REDIC1: variants seen among roughly 807,000 people sequenced by gnomAD.
REDIC1 encodes HEI10 Interacting Protein 1.
At chr12:39,636,295 G>C in the REDIC1 span, among the ~76,000 whole-genome samples, 1 of 151,968 alleles carries the variant, frequency 6.6e-6, no homozygotes, top group East Asian at 1.9e-4. Flanking sequence ...TTGCTTTATT[G>C]GTTTAACGTT....
the REDIC1 span, among the ~76,000 whole-genome samples, chr12:39,884,970 T>C: frequency 6.6e-6 from 1 of 152,228 alleles, no homozygotes; most frequent in African/African-American, 2.4e-5. Flanking sequence ...TAAACATCTA[T>C]TCAGGTGCCT....
chr12:39,809,911 T>C, the REDIC1 span, among the ~76,000 whole-genome samples: 502 of 152,330 alleles, frequency 3.3e-3, 8 homozygotes, highest in African/African-American at 0.012. Context: ...CTATTATTGT[T>C]GGACATTTGG....
chr12:39,792,477 C>A, the REDIC1 span, among the ~76,000 whole-genome samples: 1 of 152,086 alleles, frequency 6.6e-6, no homozygotes, highest in Admixed American at 6.5e-5. Flanking sequence ...TGAAATCTGG[C>A]ATGTATTTGG....
chr12:39,789,307 T>G, the REDIC1 span, among the ~76,000 whole-genome samples: 3 of 152,102 alleles, frequency 2.0e-5, no homozygotes, highest in Non-Finnish European at 4.4e-5. Context: ...TGGATTATTA[T>G]ATGATTTATT....
the REDIC1 span, among the ~76,000 whole-genome samples, chr12:39,799,491 T>G: frequency 6.6e-6 from 1 of 151,922 alleles, no homozygotes; most frequent in African/African-American, 2.4e-5. Flanking sequence ...ACCTCTAAAA[T>G]TATAGTAAAA....
At chr12:39,643,793 A>G in the REDIC1 span, 1 of 1,544,152 alleles carries the variant, frequency 6.5e-7, no homozygotes. Flanking sequence ...ATTTTGAAAA[A>G]CACAGGTTAA....
the REDIC1 span, chr12:39,643,630 A>T: frequency 1.8e-6 from 1 of 565,482 alleles, no homozygotes; most frequent in Non-Finnish European, 2.9e-6. Context: ...GTTATGATTA[A>T]TTGTAATGTA....
At chr12:39,818,344 A>G in the REDIC1 span, among the ~76,000 whole-genome samples, 1 of 151,740 alleles carries the variant, frequency 6.6e-6, no homozygotes, top group African/African-American at 2.4e-5. Context: ...CTTAATTTCT[A>G]TTTAAAGAAG....
At chr12:39,713,552 G>C in the REDIC1 span, among the ~76,000 whole-genome samples, 1 of 148,946 alleles carries the variant, frequency 6.7e-6, no homozygotes. Flanking sequence ...GTATACATGC[G>C]TGCATACATG....
the REDIC1 span, among the ~76,000 whole-genome samples, chr12:39,629,211 G>C: frequency 4.6e-5 from 7 of 152,170 alleles, no homozygotes; most frequent in South Asian, 2.1e-4. Context: ...TTTCAGCAAG[G>C]CTTCTTAGGA....
chr12:39,799,110 C>T, the REDIC1 span, among the ~76,000 whole-genome samples: 1 of 142,838 alleles, frequency 7.0e-6, no homozygotes, highest in South Asian at 2.2e-4. Flanking sequence ...CTCAGAGTCT[C>T]ACTCTGTCTC....
the REDIC1 span, among the ~76,000 whole-genome samples, chr12:39,707,686 A>G: frequency 6.6e-6 from 1 of 151,930 alleles, no homozygotes; most frequent in Non-Finnish European, 1.5e-5. Context: ...TAATCTAATA[A>G]TGATAATTAT....
the REDIC1 span, among the ~76,000 whole-genome samples, chr12:39,694,082 C>T: frequency 3.6e-4 from 55 of 152,114 alleles, no homozygotes; most frequent in Non-Finnish European, 1.0e-4. Flanking sequence ...TGGCTATTTG[C>T]GATTCTTTTT....
chr12:39,713,855 A>G, the REDIC1 span, among the ~76,000 whole-genome samples: 4 of 148,328 alleles, frequency 2.7e-5, no homozygotes, highest in African/African-American at 9.8e-5. Context: ...ATATGCATAT[A>G]TACATACATA....
the REDIC1 span, chr12:39,646,548 T>G: frequency 3.6e-5 from 46 of 1,283,042 alleles, no homozygotes; most frequent in Non-Finnish European, 4.8e-5. Flanking sequence ...ATAAAATACT[T>G]ACCTTCTACC....
At chr12:39,663,253 A>T in the REDIC1 span, among the ~76,000 whole-genome samples, 6 of 151,842 alleles carry the variant, frequency 4.0e-5, no homozygotes, top group Non-Finnish European at 7.4e-5. Flanking sequence ...CTCTATTTAG[A>T]TCTAATAGTA....
At chr12:39,814,101 TTTTC>T in the REDIC1 span, among the ~76,000 whole-genome samples, 1 of 152,196 alleles carries the variant, frequency 6.6e-6, no homozygotes, top group Admixed American at 6.5e-5. Context: ...GCCCATACTC[TTTTC>T]TTTCTTTGTG....
At chr12:39,896,437 CATATATGTATATGTGTGTATATATGTAT>C in the REDIC1 span, among the ~76,000 whole-genome samples, 1 of 122,928 alleles carries the variant, frequency 8.1e-6, no homozygotes, top group Non-Finnish European at 1.7e-5. Flanking sequence ...TATATGTATA[CATATATGTATATGTGTGTATATATGTAT>C]ACATATATGT....
chr12:39,764,621 T>G, the REDIC1 span: 3 of 1,582,260 alleles, frequency 1.9e-6, no homozygotes, highest in East Asian at 6.7e-5. Flanking sequence ...TCCTGAGAAA[T>G]AAAACATTAA....
Sources: gnomAD v4.1 joint callset for allele counts (sites outside exome capture counted in the v4.1 genomes callset) on GRCh38, gnomAD v4.1.1 for gene constraint, MANE v1.5 for transcripts, NCBI Gene and HGNC (gene_info 2026-07-23, HGNC 2026-07-21) for gene names.